The following SCN4A variants were observed in gnomAD, a reference collection of about 807,000 sequenced individuals.
The protein encoded by SCN4A is sodium channel protein type 4 subunit alpha.
SCN4A carries 83 observed loss-of-function variants against 162.0 expected under a neutral mutation model. That is an observed-to-expected ratio of 0.51 (90% CI 0.43 to 0.61). SCN4A has a LOEUF of 0.61. SCN4A is among the 20% of genes least tolerant of loss of function. SCN4A has a pLI of 0.00. For missense variants in SCN4A, 2,196 were observed against 2,462.5 expected (o/e 0.89, Z 2.29); for synonymous variants, 944 against 985.1 (o/e 0.96, Z 0.78).
intron 13 of SCN4A, among the ~76,000 whole-genome samples, chr17:63,956,445 C>T (rs963325532): frequency 2.0e-5 from 3 of 152,156 alleles, no homozygotes; most frequent in African/African-American, 4.8e-5. Flanking sequence ...ATAAGAGTGT[C>T]TTGCTATGTT....
chr17:63,941,904 G>A lies in SCN4A; in HGVS notation c.4378C>T (p.Arg1460Trp), dbSNP rs368256039. 34 of 1,612,890 alleles carry A rather than the reference G, an allele frequency of 2.1e-5. No individual in the cohort carries two copies. The highest frequency in any genetic ancestry group is 4.4e-5 in the South Asian group (4 of 91,068). The change falls in exon 24 of 24, where the codon CGG (arginine) becomes TGG (tryptophan). Residue 1460 changes from arginine (R) to tryptophan (W), a missense_variant. Arg to Trp is a moderately radical substitution (Grantham distance 101). Transcript: ENST00000435607. This position sits in a 1 kb window ranked among gnomAD's most constrained non-coding sequence, Gnocchi z 6.2. ...IRLARIGRVL[R>W]LIRGAKGIRT... ...ATGCCCTTGGCCCCGCGGATCAGCCGCAGGACACGCCCAATCCGCGCCAGG... is the reference window on the plus strand; with the variant it reads ...ATGCCCTTGGCCCCGCGGATCAGCCACAGGACACGCCCAATCCGCGCCAGG...
At chr17:63,948,991 G>T (rs1311994945) in intron 15 of SCN4A, among the ~76,000 whole-genome samples, 1 of 152,202 alleles carries the variant, frequency 6.6e-6, no homozygotes, top group Non-Finnish European at 1.5e-5. Flanking sequence ...CTGGGGATGG[G>T]CATGCAGAGG....
chr17:63,970,566 C>G (rs1909581677), intron 5 of SCN4A, among the ~76,000 whole-genome samples: 1 of 151,990 alleles, frequency 6.6e-6, no homozygotes, highest in Admixed American at 6.6e-5. Flanking sequence ...TGGGCTCAAA[C>G]TATCCTCCCG....
chr17:63,957,959 T>G (rs1015076616), intron 12 of SCN4A, among the ~76,000 whole-genome samples: 1 of 145,628 alleles, frequency 6.9e-6, no homozygotes, highest in African/African-American at 2.6e-5. Context: ...GAGCAGAGAT[T>G]GCACCACTGC....
In SCN4A at chr17:63,941,305, G is replaced by T; in HGVS notation, c.4977C>A (p.Ile1659=). ...EPLRIAKPNK[I]KLITLDLPMV... ...TGGGCAAGTCCAGTGTGATGAGCTT[G>T]ATCTTGTTGGGCTTGGCAATCCTCA... The change falls in exon 24 of 24, where the codon ATC becomes ATA. Residue 1659 remains isoleucine, a synonymous_variant. Coordinates refer to ENST00000435607, the MANE Select transcript of SCN4A (RefSeq NM_000334.4). The surrounding 1 kb of genome is among the most constrained non-coding windows in gnomAD (Gnocchi z 6.2). The T allele has an allele frequency of 6.2e-7, 1 of 1,613,936 alleles. No individual in the cohort carries two copies. The highest frequency in any genetic ancestry group is 8.5e-7 in the Non-Finnish European group (1 of 1,179,876).
In SCN4A at chr17:63,944,739, G is replaced by A; in HGVS notation, c.3846C>T (p.Gly1282=). 6.2e-7 allele frequency: 1 copy of A among 1,613,616 alleles called. No homozygotes were observed. The highest frequency in any genetic ancestry group is 8.5e-7 in the Non-Finnish European group (1 of 1,179,744). Residue 1282 remains glycine, a synonymous_variant, in exon 21 of 24, where the codon GGC becomes GGT. Coordinates refer to ENST00000435607, the MANE Select transcript of SCN4A (RefSeq NM_000334.4). The surrounding 1 kb of genome is among the most constrained non-coding windows in gnomAD (Gnocchi z 4.3). ...YLYFVIFIIF[G]SFFTLNLFIG... ...TGAAGAGGTTGAGGGTGAAGAAGGA[G>A]CCAAAGATGATGAAGATGACAAAGT...
In SCN4A at chr17:63,964,474, C is replaced by T. The variant is rs1166039513; in HGVS notation, c.1446G>A (p.Leu482=). ...LEKFKKHQEE[L]EKAKAAQALE... is the part of the protein sequence containing the mutation. ...CCTTTCCCTGAGTCCAGACCTTCTC[C>T]AGCTCCTCCTGGTGCTTTTTGAACT... Residue 482 remains leucine, a synonymous_variant, in exon 9 of 24, where the codon CTG becomes CTA. Coordinates refer to ENST00000435607, the MANE Select transcript of SCN4A (RefSeq NM_000334.4). 3 of 1,613,754 alleles carry T rather than the reference C, an allele frequency of 1.9e-6. No homozygotes were observed. The highest frequency in any genetic ancestry group is 1.7e-5 in the Admixed American group (1 of 60,004).
chr17:63,957,259 C>T lies in SCN4A; in HGVS notation c.2279G>A (p.Gly760Glu). The change falls in exon 13 of 24, where the codon GGG (glycine) becomes GAG (glutamate). Residue 760 changes from glycine (G) to glutamate (E), a missense_variant. By Grantham distance (98) the Gly-to-Glu change is moderately conservative. Transcript: ENST00000435607. ...SFLIVFRILC[G>E]EWIETMWDCM... ...GTCCCACATGGTCTCGATCCACTCC[C>T]CGCACAGGATGCGGAAGACGATGAG... 1.2e-6 allele frequency: 2 copies of T among 1,613,986 alleles called. No individual in the cohort carries two copies. The highest frequency in any genetic ancestry group is 2.2e-5 in the East Asian group (1 of 44,882).
chr17:63,968,849 G>A (rs1169336129), intron 5 of SCN4A, among the ~76,000 whole-genome samples: 2 of 152,178 alleles, frequency 1.3e-5, no homozygotes, highest in Non-Finnish European at 2.9e-5. Flanking sequence ...TTGTATTTAT[G>A]TATTTATTTA....
chr17:63,971,670 C>A (rs1597987328), intron 4 of SCN4A, 52 bp downstream of exon 4: 1 of 1,526,166 alleles, frequency 6.6e-7, no homozygotes, highest in East Asian at 2.5e-5. Flanking sequence ...TAAGGCCTGG[C>A]CCCCTCCCCT....
chr17:63,941,088 T>C lies in SCN4A; in HGVS notation c.5194A>G (p.Ile1732Val). 6.2e-7 allele frequency: 1 copy of C among 1,613,990 alleles called. No individual in the cohort carries two copies. Among genetic ancestry groups the C allele is most frequent in the Non-Finnish European group, 8.5e-7 (1 of 1,179,872 alleles). Residue 1732 changes from isoleucine (I) to valine (V), a missense_variant, in exon 24 of 24, where the codon ATC (isoleucine) becomes GTC (valine). Physicochemically the swap from Ile to Val is conservative, Grantham distance 29. Transcript: ENST00000435607. This position sits in a 1 kb window ranked among gnomAD's most constrained non-coding sequence, Gnocchi z 6.2. The stretch of plus-strand genomic sequence containing the variant: ...CGGCGGTAGGCCCTCTGGATCTTGA[T>C]GGCGCACACCTCCTCGTGCTTCCTC... ...LKRKHEEVCA[I>V]KIQRAYRRHL...
In SCN4A at chr17:63,972,895, C is replaced by T; in HGVS notation, c.-54G>A. On this transcript the variant is annotated 5_prime_UTR_variant, in exon 1 of 24. Coordinates refer to ENST00000435607, the MANE Select transcript of SCN4A (RefSeq NM_000334.4). This position sits in a 1 kb window ranked among gnomAD's most constrained non-coding sequence, Gnocchi z 4.3. ...GGGTGGTGGGTGGCCTGGGGAGCTG[C>T]AGTGCGCAGCCCCGGGGTGCTGGGC... 6.5e-7 allele frequency: 1 copy of T among 1,541,986 alleles called. No individual in the cohort carries two copies.
Position 63,941,388 on chromosome 17 carries a change from T to A in SCN4A, c.4894A>T (p.Thr1632Ser), listed in dbSNP as rs1377336175. Residue 1632 changes from threonine (T) to serine (S), a missense_variant, in exon 24 of 24, where the codon ACC becomes TCC. Physicochemically the swap from Thr to Ser is moderately conservative, Grantham distance 58. Coordinates refer to ENST00000435607, the MANE Select transcript of SCN4A (RefSeq NM_000334.4). This position sits in a 1 kb window ranked among gnomAD's most constrained non-coding sequence, Gnocchi z 6.2. ...AGGCGGCTGTAGGCGATGAACTGGG[T>A]GGCGTCGGGGTCGAACTTCTCCCAT... ...ETWEKFDPDA[T>S]QFIAYSRLSD... 9 of 1,613,816 alleles carry A rather than the reference T, an allele frequency of 5.6e-6. No homozygotes were observed. The highest frequency in any genetic ancestry group is 7.6e-6 in the Non-Finnish European group (9 of 1,179,858).
rs779083110 is a variant in SCN4A, at chr17:63,958,066, T to C, written c.2020-548A>G. Among the ~76,000 whole-genome samples the C allele has an allele frequency of 9.9e-5, 15 of 150,892 alleles. 1 individual carries two copies. The highest frequency in any genetic ancestry group is 3.0e-5 in the Non-Finnish European group (2 of 67,764). On this transcript the variant is annotated intron_variant, in intron 12 of 23. Transcript: ENST00000435607. Reference sequence around the variant, plus strand: ...AGAGAAAAAATGTCATTCGTCATTATCTGTTAAAGATACAGACTATGGCTG... The same window carrying C: ...AGAGAAAAAATGTCATTCGTCATTACCTGTTAAAGATACAGACTATGGCTG...
intron 12 of SCN4A, among the ~76,000 whole-genome samples, chr17:63,957,857 T>C (rs1293949190): frequency 6.6e-6 from 1 of 151,590 alleles, no homozygotes; most frequent in Admixed American, 6.6e-5. Context: ...TACAAAAAAT[T>C]AGTCGGGCAT....
At chr17:63,948,250 G>A (rs117201544) in intron 16 of SCN4A, among the ~76,000 whole-genome samples, 187 bp from the exon 17 acceptor site, 1,990 of 152,246 alleles carry the variant, frequency 0.013, 24 homozygotes, top group Middle Eastern at 0.085. Context: ...TCCCAGTGGG[G>A]AGAATCCCTC....
chr17:63,960,876 C>G (rs1290522674), intron 11 of SCN4A, among the ~76,000 whole-genome samples: 1 of 151,810 alleles, frequency 6.6e-6, no homozygotes, highest in African/African-American at 2.4e-5. Flanking sequence ...TATCTCCACA[C>G]CCCCATTTCC....
At chr17:63,968,381 TGGCAGGGGGCAG>T in intron 5 of SCN4A, 26 bp from the exon 6 acceptor site, 1 of 1,562,908 alleles carries the variant, frequency 6.4e-7, no homozygotes, top group Non-Finnish European at 8.7e-7. Context: ...GCAAGGATAT[TGGCAGGGGGCAG>T]GGCAGGGTGA....
chr17:63,966,720 G>A (rs1156950621), intron 6 of SCN4A, among the ~76,000 whole-genome samples, 176 bp from the exon 7 acceptor site: 1 of 152,240 alleles, frequency 6.6e-6, no homozygotes, highest in Non-Finnish European at 1.5e-5. Flanking sequence ...AGGTCTCTGG[G>A]TAGGGACTCG....
Sources: allele counts gnomAD v4.1 joint callset (sites outside exome capture counted in the v4.1 genomes callset), GRCh38; gene constraint gnomAD v4.1.1; non-coding constraint Gnocchi (gnomAD v3.1); transcripts MANE v1.5; gene names NCBI Gene and HGNC (gene_info 2026-07-23, HGNC 2026-07-21).